Variants in POLA1 observed in about 807,000 individuals in gnomAD.
The protein encoded by POLA1 is DNA polymerase alpha catalytic subunit.
Under a neutral mutation model 124.0 loss-of-function variants are expected in POLA1, and 15 were observed. The ratio of observed to expected loss-of-function variants is 0.12; its 90% CI spans 0.08 to 0.19. The LOEUF is 0.19. Among genes scored for constraint, POLA1 ranks in the 10% least tolerant of loss-of-function variants. The probability of loss-of-function intolerance (pLI) is 1.00; values close to 1 mark genes in which losing one functional copy is unlikely to be tolerated. For missense variants in POLA1, 886 were observed against 1,103.4 expected (o/e 0.80, Z 2.79); for synonymous variants, 408 against 389.4 (o/e 1.05, Z -0.56).
intron 17 of POLA1, 121 bp downstream of exon 17, chrX:24,733,937 C>G: frequency 2.4e-6 from 1 of 417,841 alleles, no homozygotes; most frequent in Non-Finnish European, 4.3e-6. Flanking sequence ...CCAGATTGGA[C>G]TATGACATCG....
At chrX:24,918,891 G>GT (rs746941167) in intron 35 of POLA1, among the ~76,000 whole-genome samples, 4 of 111,318 alleles carry the variant, frequency 3.6e-5, no homozygotes, top group African/African-American at 1.3e-4. Flanking sequence ...AATTAATAGA[G>GT]TAAGAACTCA....
chrX:24,843,844 A>T (rs994035488), intron 34 of POLA1, among the ~76,000 whole-genome samples, 167 bp downstream of exon 34: 4 of 112,316 alleles, frequency 3.6e-5, no homozygotes, highest in African/African-American at 1.3e-4. Flanking sequence ...TATTAGCATG[A>T]CAAATTATTT....
chrX:24,802,367 A>G (rs1021469681), intron 26 of POLA1, among the ~76,000 whole-genome samples: 4 of 111,673 alleles, frequency 3.6e-5, no homozygotes, highest in Non-Finnish European at 5.6e-5. Flanking sequence ...CACAGAAGCA[A>G]GAAGAAAAGC....
intron 36 of POLA1, among the ~76,000 whole-genome samples, chrX:24,964,834 A>G (rs990279881): frequency 5.4e-5 from 6 of 111,730 alleles, no homozygotes; most frequent in African/African-American, 1.6e-4. Flanking sequence ...GTCTCAATTT[A>G]CTCCTGATGC....
chrX:24,742,191 T>C, intron 22 of POLA1, 70 bp downstream of exon 22: 1 of 846,427 alleles, frequency 1.2e-6, no homozygotes, highest in Non-Finnish European at 1.6e-6. Flanking sequence ...CTAGATAGCC[T>C]TTTTTTTCTG....
intron 34 of POLA1, among the ~76,000 whole-genome samples, chrX:24,862,251 C>G (rs773320927): frequency 3.4e-4 from 38 of 112,295 alleles, no homozygotes; most frequent in African/African-American, 1.1e-3. Context: ...AAAATGTGTT[C>G]TGCTTCTTTG....
In POLA1 at chrX:24,742,024, G is replaced by A. The variant is rs1307618098; in HGVS notation, c.2369G>A (p.Arg790Gln). 16 of 1,200,933 alleles carry A rather than the reference G, an allele frequency of 1.3e-5. No homozygotes were observed. The highest frequency in any genetic ancestry group is 1.8e-5 in the Non-Finnish European group (16 of 888,924). ...NIMSRTLMGG[R>Q]SERNEFLLLH... ...TAGTCCAGGACGCTGATGGGTGGAC[G>A]ATCCGAGCGTAACGAGTTCTTGTTG... The change falls in exon 22 of 37, where the codon CGA (arginine) becomes CAA (glutamine). Residue 790 changes from arginine to glutamine, a missense_variant. Physicochemically the swap from Arg to Gln is conservative, Grantham distance 43 (BLOSUM62 1). Coordinates refer to ENST00000379068, the MANE Select transcript of POLA1 (RefSeq NM_001330360.2).
chrX:24,758,665 A>AGTTTTTT (rs1240343343), intron 26 of POLA1, among the ~76,000 whole-genome samples: 1 of 111,610 alleles, frequency 9.0e-6, no homozygotes, highest in African/African-American at 3.3e-5. Context: ...CATTTGCTGA[A>AGTTTTTT]GTTTTTTGTT....
chrX:24,694,452 C>CT (rs1927836696), intron 1 of POLA1, among the ~76,000 whole-genome samples: 1 of 112,551 alleles, frequency 8.9e-6, no homozygotes, highest in Admixed American at 9.4e-5. Flanking sequence ...AAAGAAAGCT[C>CT]TAAGTGCTGT....
intron 36 of POLA1, among the ~76,000 whole-genome samples, chrX:24,986,068 A>T (rs1212432534): frequency 8.9e-6 from 1 of 111,753 alleles, no homozygotes; most frequent in Non-Finnish European, 1.9e-5. Context: ...GCTACTCAGG[A>T]GGCTGAGGCA....
intron 35 of POLA1, among the ~76,000 whole-genome samples, chrX:24,921,285 A>G (rs1370263411): frequency 8.9e-6 from 1 of 112,774 alleles, no homozygotes; most frequent in Non-Finnish European, 1.9e-5. Flanking sequence ...GAATAAAAAA[A>G]TGAATATGAC....
intron 35 of POLA1, among the ~76,000 whole-genome samples, chrX:24,918,669 T>TA (rs2047570136): frequency 9.0e-6 from 1 of 111,667 alleles, no homozygotes; most frequent in South Asian, 3.8e-4. Context: ...GGTGATTTAT[T>TA]AAAAAAAGAG....
intron 26 of POLA1, among the ~76,000 whole-genome samples, chrX:24,762,095 T>G (rs1602348709): frequency 8.9e-6 from 1 of 112,046 alleles, no homozygotes; most frequent in Non-Finnish European, 1.9e-5. Flanking sequence ...TTTTCACTTG[T>G]CAGAGGGGTG....
At chrX:24,987,188 A>G (rs1427165135) in intron 36 of POLA1, among the ~76,000 whole-genome samples, 3 of 111,938 alleles carry the variant, frequency 2.7e-5, no homozygotes, top group Non-Finnish European at 5.6e-5. Context: ...TCAGTTCAGC[A>G]ACCTAAGAGG....
intron 26 of POLA1, among the ~76,000 whole-genome samples, chrX:24,777,312 T>G (rs2045159452): frequency 8.9e-6 from 1 of 112,404 alleles, no homozygotes; most frequent in South Asian, 3.7e-4. Flanking sequence ...TTGGTTACAC[T>G]AAAGACATTC....
intron 36 of POLA1, among the ~76,000 whole-genome samples, chrX:24,959,944 C>A (rs755357131): frequency 1.8e-5 from 2 of 111,664 alleles, no homozygotes; most frequent in Non-Finnish European, 3.8e-5. Context: ...TTATCCTCCA[C>A]GCTGCTGTCA....
intron 4 of POLA1, among the ~76,000 whole-genome samples, chrX:24,710,367 A>C (rs1339345826): frequency 9.0e-6 from 1 of 111,670 alleles, no homozygotes; most frequent in Admixed American, 9.5e-5. Context: ...TTTCATATAA[A>C]TGAATCATGC....
At chrX:24,984,230 T>C (rs779846661) in intron 36 of POLA1, among the ~76,000 whole-genome samples, 1 of 112,579 alleles carries the variant, frequency 8.9e-6, no homozygotes, top group Non-Finnish European at 1.9e-5. Context: ...GTTAAAATGC[T>C]GAGCAGTGTG....
At chrX:24,938,395 C>G (rs1027653378) in intron 36 of POLA1, among the ~76,000 whole-genome samples, 3 of 111,399 alleles carry the variant, frequency 2.7e-5, no homozygotes, top group African/African-American at 9.8e-5. Flanking sequence ...CAGCCTGGGC[C>G]ACAGAGTGAG....
Sources: gnomAD v4.1 joint callset for allele counts (sites outside exome capture counted in the v4.1 genomes callset) on GRCh38, gnomAD v4.1.1 for gene constraint, MANE v1.5 for transcripts, NCBI Gene and HGNC (gene_info 2026-07-23, HGNC 2026-07-21) for gene names.